TEK: variants seen among roughly 807,000 people sequenced by gnomAD.
The protein encoded by TEK is angiopoietin-1 receptor.
TEK carries 43 observed loss-of-function variants against 131.8 expected under a neutral mutation model. That is an observed-to-expected ratio of 0.33 (90% CI 0.26 to 0.42). The LOEUF is 0.42. TEK is among the 10% of genes least tolerant of loss of function. The pLI is 1.00. For synonymous variants in TEK, 580 were observed against 491.6 expected (o/e 1.18, Z -2.38); for missense variants, 1,162 against 1,384.4 (o/e 0.84, Z 2.55).
chr9:27,172,693 G>A lies in TEK; in HGVS notation c.706G>A (p.Asp236Asn), dbSNP rs910332944. 6.2e-7 allele frequency: 1 copy of A among 1,613,808 alleles called. No homozygotes were observed. The highest frequency in any genetic ancestry group is 2.2e-5 in the East Asian group (1 of 44,866). ...ACMNNGVCHE[D>N]TGECICPPGF... ...TATGAACAATGGTGTCTGCCATGAAGATACTGGAGAATGCATTTGCCCTCC... is the reference window on the plus strand; with the variant it reads ...TATGAACAATGGTGTCTGCCATGAAAATACTGGAGAATGCATTTGCCCTCC... The change falls in exon 5 of 23, where the codon GAT (aspartate) becomes AAT (asparagine). Residue 236 changes from aspartate to asparagine, a missense_variant. Around this residue, in one of 6 missense-constraint regions of TEK, gnomAD observed 436 missense variants for 539.1 expected, o/e 0.81. Transcript: ENST00000380036.
intron 2 of TEK, among the ~76,000 whole-genome samples, chr9:27,165,098 G>A (rs180793251): frequency 3.3e-5 from 5 of 152,172 alleles, no homozygotes; most frequent in Non-Finnish European, 7.3e-5. Flanking sequence ...AAACTCTGGT[G>A]TGATAATGCC....
Position 27,220,096 on chromosome 9 carries a change from C to T in TEK, c.3151C>T (p.Leu1051=), listed in dbSNP as rs2273718. 7.9e-4 allele frequency: 1,274 copies of T among 1,614,058 alleles called. 6 individuals carry two copies. In the East Asian group the frequency reaches 0.022, roughly 28 times the overall value. The stretch of plus-strand genomic sequence containing the variant: ...GACTTGTGCAGAACTCTACGAGAAG[C>T]TGCCCCAGGGCTACAGACTGGAGAA... ...GMTCAELYEK[L]PQGYRLEKPL... is the part of the protein sequence containing the mutation. Residue 1051 remains leucine, a synonymous_variant, in exon 21 of 23, where the codon CTG becomes TTG. Transcript: ENST00000380036.
chr9:27,169,690 G>T (rs550945890), intron 4 of TEK, 61 bp downstream of exon 4: 3 of 1,609,548 alleles, frequency 1.9e-6, no homozygotes, highest in East Asian at 2.2e-5. Context: ...AGGATTTTTA[G>T]TTGCAAATAA....
chr9:27,227,543 T>G (rs1166743499), intron 21 of TEK, among the ~76,000 whole-genome samples: 1 of 152,186 alleles, frequency 6.6e-6, no homozygotes, highest in Non-Finnish European at 1.5e-5. Context: ...CTAGCAGATT[T>G]GGTGGCCATG....
chr9:27,120,733 A>G (rs969763413), intron 1 of TEK, among the ~76,000 whole-genome samples: 14 of 152,240 alleles, frequency 9.2e-5, no homozygotes, highest in South Asian at 2.1e-4. Context: ...GAAGTAAGAT[A>G]TACTCGACTG....
chr9:27,155,546 C>T (rs628873), intron 1 of TEK, among the ~76,000 whole-genome samples: 20,006 of 152,214 alleles, frequency 0.13, 1,725 homozygotes, highest in South Asian at 0.3. Context: ...ATCCTCAAAA[C>T]ATCACTGAAT....
At chr9:27,195,911 T>G (rs1205869696) in intron 11 of TEK, among the ~76,000 whole-genome samples, 1 of 152,236 alleles carries the variant, frequency 6.6e-6, no homozygotes, top group Non-Finnish European at 1.5e-5. Flanking sequence ...TTGTTTCTAT[T>G]CAGTGATGTC....
chr9:27,190,478 C>G lies in TEK; in HGVS notation c.1328-51C>G, dbSNP rs775610664. The G allele has an allele frequency of 8.7e-6, 14 of 1,610,738 alleles. No homozygotes were observed. In the South Asian group the frequency reaches 1.3e-4, roughly 15 times the overall value. On this transcript the variant is annotated intron_variant, in intron 9 of 22. Coordinates refer to ENST00000380036, the MANE Select transcript of TEK (RefSeq NM_000459.5). ...TCTTCTACCTCTACCTAAGAACAAT[C>G]ACAAAACCTCAAAGCCGAAGGACTA...
At chr9:27,199,927 T>TC (rs1191660960) in intron 12 of TEK, among the ~76,000 whole-genome samples, 1 of 152,234 alleles carries the variant, frequency 6.6e-6, no homozygotes, top group Non-Finnish European at 1.5e-5. Context: ...TTGGAATTAT[T>TC]CCCTATCCCA....
chr9:27,121,530 A>T (rs1227968152), intron 1 of TEK, among the ~76,000 whole-genome samples: 1 of 150,112 alleles, frequency 6.7e-6, no homozygotes, highest in Admixed American at 6.7e-5. Flanking sequence ...TTTTATATGT[A>T]TAAATATATT....
At chr9:27,218,625 A>AAACCTACACTGT in intron 19 of TEK, 152 bp from the exon 20 acceptor site, 1 of 767,058 alleles carries the variant, frequency 1.3e-6, no homozygotes, top group Non-Finnish European at 2.3e-6. Flanking sequence ...AAGAGGAGAG[A>AAACCTACACTGT]AACCTACACT....
intron 16 of TEK, among the ~76,000 whole-genome samples, chr9:27,212,376 C>T (rs188853560): frequency 1.3e-5 from 2 of 152,270 alleles, no homozygotes; most frequent in East Asian, 3.9e-4. Flanking sequence ...AAGAACGTGT[C>T]TGAGATCTGG....
chr9:27,198,780 G>A (rs1825115129), intron 12 of TEK, among the ~76,000 whole-genome samples: 1 of 152,110 alleles, frequency 6.6e-6, no homozygotes, highest in East Asian at 1.9e-4. Flanking sequence ...AGTTTGTTAA[G>A]TATATTTTAA....
chr9:27,149,342 AG>A (rs1303908929), intron 1 of TEK, among the ~76,000 whole-genome samples: 1 of 152,230 alleles, frequency 6.6e-6, no homozygotes, highest in African/African-American at 2.4e-5. Context: ...CCTGAATTTC[AG>A]GGTTTTTTAA....
At chr9:27,170,692 G>A (rs917961993) in intron 4 of TEK, among the ~76,000 whole-genome samples, 1 of 152,272 alleles carries the variant, frequency 6.6e-6, no homozygotes, top group Admixed American at 6.5e-5. Flanking sequence ...GTGTGGGGAG[G>A]TAAGGGAGTG....
At position 27,212,691 on chromosome 9, in the gene TEK, T is replaced by C; in HGVS notation, c.2687-16T>C. On this transcript the variant is annotated splice_polypyrimidine_tract_variant and intron_variant, in intron 16 of 22. Transcript: ENST00000380036. ...CAGGGCCACTGATGAGTCGATGCTC[T>C]CTTCCTTCCCTCCAGGCTACTTGTA... 2 of 1,614,058 alleles carry C rather than the reference T, an allele frequency of 1.2e-6. No homozygotes were observed. The highest frequency in any genetic ancestry group is 2.2e-5 in the South Asian group (2 of 91,058).
intron 8 of TEK, among the ~76,000 whole-genome samples, chr9:27,184,247 T>C (rs1319830985): frequency 6.6e-6 from 1 of 152,184 alleles, no homozygotes; most frequent in Non-Finnish European, 1.5e-5. Context: ...GCAGTTATTT[T>C]TTGTTTAAAA....
At chr9:27,173,723 G>GA (rs1554694118) in intron 6 of TEK, among the ~76,000 whole-genome samples, 3 of 92,070 alleles carry the variant, frequency 3.3e-5, no homozygotes, top group African/African-American at 1.2e-4. Context: ...TAGAAGACTT[G>GA]TTTTTTTTTT....
At chr9:27,134,428 C>T (rs886750379) in intron 1 of TEK, among the ~76,000 whole-genome samples, 5 of 152,132 alleles carry the variant, frequency 3.3e-5, no homozygotes, top group African/African-American at 1.2e-4. Flanking sequence ...ACCAAGTTTT[C>T]GTTTCAATCA....
Sources: gnomAD v4.1 joint callset for allele counts (sites outside exome capture counted in the v4.1 genomes callset) on GRCh38, gnomAD v4.1.1 for gene constraint, gnomAD v4.1.1 regional missense constraint, MANE v1.5 for transcripts, NCBI Gene and HGNC (gene_info 2026-07-23, HGNC 2026-07-21) for gene names.